The following ELP4 variants were observed in gnomAD, a reference collection of about 807,000 sequenced individuals.
The protein encoded by ELP4 is elongator acetyltransferase complex subunit 4, also known as elongator complex protein 4.
Under a neutral mutation model 48.9 loss-of-function variants are expected in ELP4, and 51 were observed. The observed-to-expected ratio is 1.04, with a 90% confidence interval of 0.83 to 1.32. The LOEUF (loss-of-function observed/expected upper bound fraction) is 1.32, where lower values mean the gene tolerates loss of function less well. ELP4 is among the 40% of genes most tolerant of loss of function. The probability of loss-of-function intolerance (pLI) is 0.00; values close to 1 mark genes in which losing one functional copy is unlikely to be tolerated. For synonymous variants in ELP4, 210 were observed against 189.2 expected (o/e 1.11, Z -0.90); for missense variants, 519 against 514.6 (o/e 1.01, Z -0.08).
At chr11:31,581,751 T>C (rs1957396871) in intron 3 of ELP4, among the ~76,000 whole-genome samples, 1 of 125,184 alleles carries the variant, frequency 8.0e-6, no homozygotes, top group South Asian at 2.4e-4. Context: ...TCATGTTCTG[T>C]CTTTTTTTTT....
At chr11:31,613,649 A>C (rs1163202426) in intron 5 of ELP4, among the ~76,000 whole-genome samples, 2 of 151,380 alleles carry the variant, frequency 1.3e-5, no homozygotes, top group African/African-American at 4.9e-5. Context: ...TGGATTCCGG[A>C]TAAGTTTTTT....
chr11:31,638,541 C>T, intron 7 of ELP4, among the ~76,000 whole-genome samples: 1 of 151,734 alleles, frequency 6.6e-6, no homozygotes, highest in East Asian at 1.9e-4. Context: ...AATTCATTTT[C>T]TGACGAAAAG....
intron 9 of ELP4, among the ~76,000 whole-genome samples, chr11:31,774,527 C>G (rs887532678): frequency 5.3e-5 from 8 of 152,166 alleles, no homozygotes; most frequent in Non-Finnish European, 8.8e-5. Context: ...TTCTATAACT[C>G]TAGCATGAGT....
chr11:31,547,502 C>T (rs1404556948), intron 3 of ELP4, among the ~76,000 whole-genome samples: 2 of 152,106 alleles, frequency 1.3e-5, no homozygotes, highest in African/African-American at 2.4e-5. Flanking sequence ...CAATAGCTTA[C>T]CAACCAAAAA....
At chr11:31,685,960 A>G (rs1946152137) in intron 9 of ELP4, among the ~76,000 whole-genome samples, 1 of 151,610 alleles carries the variant, frequency 6.6e-6, no homozygotes, top group Non-Finnish European at 1.5e-5. Context: ...TTTCCTATAT[A>G]TTGTTAAATG....
chr11:31,762,874 A>C (rs969975752), intron 9 of ELP4, among the ~76,000 whole-genome samples: 2 of 151,720 alleles, frequency 1.3e-5, no homozygotes, highest in African/African-American at 4.8e-5. Flanking sequence ...TGTGCAATAT[A>C]ATATAAATAA....
intron 9 of ELP4, among the ~76,000 whole-genome samples, chr11:31,675,042 C>G (rs1945892639): frequency 6.6e-6 from 1 of 152,156 alleles, no homozygotes; most frequent in African/African-American, 2.4e-5. Context: ...TTGGTTACCA[C>G]TGTAGCCCTC....
chr11:31,575,239 A>T (rs1288058765), intron 3 of ELP4, among the ~76,000 whole-genome samples: 1 of 152,234 alleles, frequency 6.6e-6, no homozygotes, highest in East Asian at 1.9e-4. Flanking sequence ...AAGTTTAGAG[A>T]AAAAAGACTA....
intron 3 of ELP4, among the ~76,000 whole-genome samples, chr11:31,561,191 T>A (rs1463239033): frequency 6.6e-6 from 1 of 152,178 alleles, no homozygotes; most frequent in African/African-American, 2.4e-5. Context: ...TATAGAATTA[T>A]TTGCAGGTTA....
intron 9 of ELP4, among the ~76,000 whole-genome samples, chr11:31,770,901 A>ATTTT (rs1948128586): frequency 6.6e-6 from 1 of 151,990 alleles, no homozygotes; most frequent in African/African-American, 2.4e-5. Flanking sequence ...AGGAAGGACC[A>ATTTT]TTTTAAGCTT....
chr11:31,595,043 T>C (rs1957648608), intron 4 of ELP4, 142 bp downstream of exon 4: 4 of 645,820 alleles, frequency 6.2e-6, no homozygotes, highest in Non-Finnish European at 9.4e-6. Flanking sequence ...GTCAAGATGA[T>C]CTATTTCTTA....
chr11:31,748,394 G>C (rs558045771), intron 9 of ELP4, among the ~76,000 whole-genome samples: 1 of 151,944 alleles, frequency 6.6e-6, no homozygotes, highest in Non-Finnish European at 1.5e-5. Flanking sequence ...ACAGGCGCAC[G>C]CCACTATGCC....
intron 3 of ELP4, among the ~76,000 whole-genome samples, chr11:31,585,473 C>G (rs150229939): frequency 1.6e-4 from 25 of 151,680 alleles, no homozygotes; most frequent in African/African-American, 5.3e-4. Context: ...TTTGCCTAAC[C>G]TCTTATAACC....
At chr11:31,535,825 T>C (rs1177127158) in intron 2 of ELP4, among the ~76,000 whole-genome samples, 1 of 152,228 alleles carries the variant, frequency 6.6e-6, no homozygotes, top group East Asian at 1.9e-4. Flanking sequence ...TAGAATATCG[T>C]GTAACTGCAG....
At chr11:31,711,271 A>C (rs375343984) in intron 9 of ELP4, among the ~76,000 whole-genome samples, 33 of 152,352 alleles carry the variant, frequency 2.2e-4, no homozygotes, top group African/African-American at 6.7e-4. Context: ...TGTGTGTACC[A>C]TGTGGTAGTG....
intron 9 of ELP4, among the ~76,000 whole-genome samples, chr11:31,727,086 A>G (rs542372023): frequency 2.0e-5 from 3 of 152,198 alleles, no homozygotes; most frequent in African/African-American, 7.2e-5. Context: ...CTTAAGAAAC[A>G]TCACTATCTA....
chr11:31,534,266 GGTGT>G (rs61054150), intron 2 of ELP4, among the ~76,000 whole-genome samples: 3 of 148,102 alleles, frequency 2.0e-5, no homozygotes, highest in East Asian at 2.0e-4. Context: ...GAGGTGGATT[GGTGT>G]GTGTGTGTGT....
In ELP4 at chr11:31,647,801, T is replaced by C; in HGVS notation, c.988T>C (p.Phe330Leu). Residue 330 changes from phenylalanine (F) to leucine (L), a missense_variant, in exon 8 of 10, where the codon TTT (phenylalanine) becomes CTT (leucine). Coordinates refer to ENST00000640961, the MANE Select transcript of ELP4 (RefSeq NM_019040.5). ...LSDVVVGLES[F>L]IGSERETNPL... ...AGATGTAGTAGTTGGTCTGGAATCA[T>C]TTATTGGTTCTGAGAGAGAAACTAA... The C allele has an allele frequency of 6.2e-7, 1 of 1,609,676 alleles. No homozygotes were observed. The highest frequency in any genetic ancestry group is 8.5e-7 in the Non-Finnish European group (1 of 1,176,836).
intron 3 of ELP4, among the ~76,000 whole-genome samples, chr11:31,590,189 A>G (rs1158857075): frequency 6.6e-6 from 1 of 152,218 alleles, no homozygotes; most frequent in Non-Finnish European, 1.5e-5. Flanking sequence ...TTATTATCGA[A>G]CACTGAATTA....
Sources: allele counts gnomAD v4.1 joint callset (sites outside exome capture counted in the v4.1 genomes callset), GRCh38; gene constraint gnomAD v4.1.1; transcripts MANE v1.5; gene names NCBI Gene and HGNC (gene_info 2026-07-23, HGNC 2026-07-21).